Variants in NCEH1 observed in about 807,000 individuals in gnomAD.
NCEH1 encodes the protein 2-acetyl MAGE hydrolase.
NCEH1 carries 9 observed loss-of-function variants against 25.4 expected under a neutral mutation model. That is an observed-to-expected ratio of 0.35 (90% CI 0.21 to 0.62). The LOEUF (loss-of-function observed/expected upper bound fraction) is 0.62. Ranked by LOEUF, NCEH1 falls within the 20% of genes least tolerant of loss-of-function variation. The probability of loss-of-function intolerance (pLI) is 0.72; values close to 1 mark genes in which losing one functional copy is unlikely to be tolerated. For missense variants in NCEH1, 412 were observed against 501.1 expected, an observed-to-expected ratio of 0.82 and a Z score of 1.70; for synonymous variants, 200 against 199.8, an observed-to-expected ratio of 1.00 and a Z score of -0.01.
At chr3:172,675,851 G>C (rs1359237724) in intron 1 of NCEH1, among the ~76,000 whole-genome samples, 1 of 152,078 alleles carries the variant, frequency 6.6e-6, no homozygotes, top group Non-Finnish European at 1.5e-5. Flanking sequence ...AGTCAGTTAT[G>C]GTCTACAGGA....
intron 1 of NCEH1, among the ~76,000 whole-genome samples, chr3:172,679,002 T>C (rs1169526405): frequency 3.3e-5 from 5 of 152,216 alleles, no homozygotes; most frequent in Non-Finnish European, 7.3e-5. Flanking sequence ...ATTTATAACC[T>C]GACGCATCCA....
chr3:172,644,675 T>C (rs899295406), intron 3 of NCEH1, among the ~76,000 whole-genome samples: 2 of 152,246 alleles, frequency 1.3e-5, no homozygotes, highest in Non-Finnish European at 2.9e-5. Flanking sequence ...GGATGTTTTA[T>C]ATGAGAATTA....
intron 1 of NCEH1, among the ~76,000 whole-genome samples, chr3:172,688,413 C>T (rs569097): frequency 0.61 from 91,322 of 150,160 alleles, 29,889 homozygotes; most frequent in African/African-American, 0.85. Context: ...CTCAAGCTGA[C>T]GCACTTGTTT....
intron 1 of NCEH1, among the ~76,000 whole-genome samples, chr3:172,703,433 C>T (rs1050700424): frequency 3.5e-5 from 5 of 144,882 alleles, no homozygotes; most frequent in African/African-American, 5.2e-5. Context: ...GAGGCTGAGG[C>T]GGGAGAACTG....
At chr3:172,688,116 C>A (rs1197979892) in intron 1 of NCEH1, among the ~76,000 whole-genome samples, 1 of 151,984 alleles carries the variant, frequency 6.6e-6, no homozygotes, top group Non-Finnish European at 1.5e-5. Context: ...AGGTGGATCA[C>A]CTGAGGTCAG....
intron 1 of NCEH1, among the ~76,000 whole-genome samples, chr3:172,667,552 C>T (rs1718278931): frequency 6.6e-6 from 1 of 152,132 alleles, no homozygotes; most frequent in Non-Finnish European, 1.5e-5. Context: ...GCTTGGAGGA[C>T]CATGTCTTCA....
At chr3:172,681,925 GAAC>G (rs1712404073) in intron 1 of NCEH1, among the ~76,000 whole-genome samples, 1 of 150,656 alleles carries the variant, frequency 6.6e-6, no homozygotes, top group Non-Finnish European at 1.5e-5. Context: ...AAAAAAGACT[GAAC>G]AACACTCCTT....
intron 1 of NCEH1, among the ~76,000 whole-genome samples, chr3:172,702,622 CTTG>C (rs1219979478): frequency 6.6e-6 from 1 of 152,138 alleles, no homozygotes; most frequent in Admixed American, 6.5e-5. Flanking sequence ...TGAAAGAGAG[CTTG>C]TTAAAATTTC....
chr3:172,638,122 G>T (rs560656188), intron 3 of NCEH1, among the ~76,000 whole-genome samples: 5 of 151,912 alleles, frequency 3.3e-5, no homozygotes, highest in African/African-American at 1.2e-4. Context: ...TGTGAAATAC[G>T]TTGACAAGTA....
At chr3:172,666,340 G>A (rs964124902) in intron 1 of NCEH1, among the ~76,000 whole-genome samples, 5 of 152,120 alleles carry the variant, frequency 3.3e-5, no homozygotes, top group African/African-American at 1.2e-4. Context: ...GGTGGACCAG[G>A]TGTTTTGCAG....
chr3:172,630,474 T>G lies in NCEH1; in HGVS notation c.*3001A>C, dbSNP rs967121451. On this transcript the variant is annotated 3_prime_UTR_variant, in exon 5 of 5. Coordinates refer to ENST00000475381, the MANE Select transcript of NCEH1 (RefSeq NM_020792.6). ...GGGCAACACATACTGTATCCAGACA[T>G]GAAACAAATGTCATCAAGGAGGCCA... 3.9e-5 allele frequency: 6 copies of G among 152,160 alleles called. No homozygotes were observed. The highest frequency in any genetic ancestry group is 1.4e-4 in the African/African-American group (6 of 41,434). 9.4% of individuals were successfully genotyped at this position (152,160 alleles called of 1,614,324 possible). A position where few individuals can be genotyped will look rare whatever the true frequency, so the allele number is the denominator to read the frequency against.
At chr3:172,662,785 T>C (rs1400210348) in intron 1 of NCEH1, among the ~76,000 whole-genome samples, 2 of 152,252 alleles carry the variant, frequency 1.3e-5, no homozygotes, top group Non-Finnish European at 2.9e-5. Context: ...GATGGTAGTT[T>C]GTATTTCTGT....
At chr3:172,665,737 G>A (rs541589740) in intron 1 of NCEH1, among the ~76,000 whole-genome samples, 1 of 152,302 alleles carries the variant, frequency 6.6e-6, no homozygotes, top group African/African-American at 2.4e-5. Flanking sequence ...GTTTGATCTT[G>A]GACTGCTGTG....
intron 1 of NCEH1, among the ~76,000 whole-genome samples, chr3:172,707,295 C>T (rs1430890355): frequency 6.6e-6 from 1 of 152,200 alleles, no homozygotes; most frequent in East Asian, 1.9e-4. Context: ...CCTTCTCAGA[C>T]CTACTTTTGT....
chr3:172,655,520 G>C (rs1011963770), intron 1 of NCEH1, among the ~76,000 whole-genome samples: 10 of 152,212 alleles, frequency 6.6e-5, no homozygotes, highest in Admixed American at 6.5e-4. Flanking sequence ...GAGAAGGAGA[G>C]AGAGTTGGGG....
Position 172,635,924 on chromosome 3 carries a change from C to T in NCEH1, c.601G>A (p.Gly201Arg), listed in dbSNP as rs1217026984. 1.7e-5 allele frequency: 27 copies of T among 1,613,926 alleles called. No individual in the cohort carries two copies. The highest frequency in any genetic ancestry group is 3.3e-5 in the Admixed American group (2 of 60,002). The change falls in exon 4 of 5, where the codon GGA (glycine) becomes AGA (arginine). Residue 201 changes from glycine to arginine, a missense_variant. Gly to Arg is a moderately radical substitution (Grantham distance 125). This residue lies in a region of NCEH1 where 210 missense variants were observed against 258.2 expected (regional missense o/e 0.81). Coordinates refer to ENST00000475381, the MANE Select transcript of NCEH1 (RefSeq NM_020792.6). ...TAGGACAGTGGTGTTACCTGTTGTC[C>T]AAGGGCAGCAGCCAGATTTCCACCA... ...SAGGNLAAALGQQFTQDASLK... is the reference protein window; with the variant it reads ...SAGGNLAAALRQQFTQDASLK...
chr3:172,673,673 A>G (rs74502296), intron 1 of NCEH1, among the ~76,000 whole-genome samples: 5,863 of 152,296 alleles, frequency 0.038, 148 homozygotes, highest in Non-Finnish European at 0.062. Flanking sequence ...GGGAACAGAT[A>G]AGGTAGCAGA....
intron 1 of NCEH1, among the ~76,000 whole-genome samples, chr3:172,665,080 T>A (rs1227264960): frequency 2.0e-5 from 3 of 152,240 alleles, no homozygotes; most frequent in African/African-American, 7.2e-5. Flanking sequence ...CTCTGGTTTC[T>A]CCCCATCTTT....
intron 1 of NCEH1, among the ~76,000 whole-genome samples, chr3:172,649,918 A>G (rs777025592): frequency 1.7e-4 from 26 of 152,246 alleles, no homozygotes; most frequent in Admixed American, 6.5e-4. Flanking sequence ...TAAACACTTG[A>G]GACAAATTAC....
Sources: gnomAD v4.1 joint callset for allele counts (sites outside exome capture counted in the v4.1 genomes callset) on GRCh38, gnomAD v4.1.1 for gene constraint, gnomAD v4.1.1 regional missense constraint, MANE v1.5 for transcripts, NCBI Gene and HGNC (gene_info 2026-07-23, HGNC 2026-07-21) for gene names.